BCAS3: variants seen among roughly 807,000 people sequenced by gnomAD.
The protein encoded by BCAS3 is BCAS3 microtubule associated cell migration factor.
Under a neutral mutation model 116.1 loss-of-function variants are expected in BCAS3, and 53 were observed. That is an observed-to-expected ratio of 0.46 (90% CI 0.37 to 0.57). The LOEUF is 0.57. Ranked by LOEUF, BCAS3 falls within the 20% of genes least tolerant of loss-of-function variation. The probability of loss-of-function intolerance (pLI) is 0.00; values close to 1 mark genes in which losing one functional copy is unlikely to be tolerated. For synonymous variants in BCAS3, 391 were observed against 408.2 expected (o/e 0.96, Z 0.51); for missense variants, 917 against 1,165.4 (o/e 0.79, Z 3.10).
chr17:61,378,730 A>G lies in BCAS3; in HGVS notation c.2593+10236A>G, dbSNP rs1408610704. The G allele has an allele frequency of 1.3e-5, 2 of 152,262 alleles. No homozygotes were observed. Among genetic ancestry groups the G allele is most frequent in the African/African-American group, 4.8e-5 (2 of 41,470 alleles). 9.4% of individuals were successfully genotyped at this position (152,262 alleles called of 1,614,324 possible). A position where few individuals can be genotyped will look rare whatever the true frequency, so the allele number is the denominator to read the frequency against. On this transcript the variant is annotated intron_variant, in intron 23 of 23. Coordinates refer to ENST00000407086, the MANE Select transcript of BCAS3 (RefSeq NM_017679.5). The surrounding 1 kb of genome is among the most constrained non-coding windows in gnomAD (Gnocchi z 5.8). ...GGCCCCTGAGAGGTAAATGAAAGCC[A>G]GTCAAAGCAATGGGAATAGTTATTG...
At position 61,239,616 on chromosome 17, in the gene BCAS3, T is replaced by C. The variant is rs1942803889; in HGVS notation, c.2426-128711T>C. ...ATCATGTTTCAATGTGTTAATGTTT[T>C]AGGAGTAGCAGAGGATAACATGCAA... On this transcript the variant is annotated intron_variant, in intron 22 of 23. Transcript: ENST00000407086. The surrounding 1 kb of genome is among the most constrained non-coding windows in gnomAD (Gnocchi z 4.2). 6.6e-6 allele frequency among the ~76,000 whole-genome samples: 1 copy of C among 152,222 alleles called. No homozygotes were observed. Among genetic ancestry groups the C allele is most frequent in the African/African-American group, 2.4e-5 (1 of 41,464 alleles).
intron 22 of BCAS3, among the ~76,000 whole-genome samples, chr17:61,113,996 T>A (rs980595949): frequency 2.9e-4 from 43 of 150,772 alleles, no homozygotes; most frequent in African/African-American, 1.0e-3. Flanking sequence ...ACCACATGAT[T>A]ATCTCAATAG....
chr17:60,779,800 A>G (rs1287594255), intron 6 of BCAS3, among the ~76,000 whole-genome samples: 1 of 152,192 alleles, frequency 6.6e-6, no homozygotes, highest in Non-Finnish European at 1.5e-5. Context: ...TACTCAACCT[A>G]TACCATTCTC....
At chr17:61,127,232 G>A (rs2076091947) in intron 22 of BCAS3, among the ~76,000 whole-genome samples, 1 of 152,052 alleles carries the variant, frequency 6.6e-6, no homozygotes, top group Admixed American at 6.6e-5. Context: ...GCTGAATATT[G>A]TCCGTCGCAG....
intron 22 of BCAS3, among the ~76,000 whole-genome samples, chr17:61,125,570 T>C (rs2076007738): frequency 6.6e-6 from 1 of 152,186 alleles, no homozygotes; most frequent in African/African-American, 2.4e-5. Flanking sequence ...TATGGATATT[T>C]GATTGTGTAA....
chr17:60,690,815 G>A (rs1182239915), intron 4 of BCAS3, among the ~76,000 whole-genome samples: 2 of 151,500 alleles, frequency 1.3e-5, no homozygotes, highest in Non-Finnish European at 2.9e-5. Context: ...AGCTGCTCAG[G>A]AAGCTGAGGC....
intron 7 of BCAS3, 81 bp downstream of exon 7, chr17:60,808,157 C>T (rs1470918881): frequency 2.1e-6 from 2 of 956,566 alleles, no homozygotes; most frequent in African/African-American, 3.3e-5. Flanking sequence ...TGTTATAAAA[C>T]CTTTGTAACC....
intron 22 of BCAS3, among the ~76,000 whole-genome samples, chr17:61,273,251 G>A (rs996061569): frequency 3.3e-5 from 5 of 151,910 alleles, no homozygotes; most frequent in Admixed American, 3.3e-4. Context: ...TGGGACTACA[G>A]GCGCGCACCA....
At position 61,356,642 on chromosome 17, in the gene BCAS3, A is replaced by G. The variant is rs570211446; in HGVS notation, c.2426-11685A>G. ...CCTAGGAAGCCGGGCCTGTTTATCC[A>G]GAGGTTAGTTGTAGGCAGGGGAGAC... On this transcript the variant is annotated intron_variant, in intron 22 of 23. Transcript: ENST00000407086. The surrounding 1 kb of genome is among the most constrained non-coding windows in gnomAD (Gnocchi z 5.4). Among the ~76,000 whole-genome samples the G allele has an allele frequency of 6.6e-6, 1 of 152,312 alleles. No individual in the cohort carries two copies. Among genetic ancestry groups the G allele is most frequent in the South Asian group, 2.1e-4 (1 of 4,828 alleles).
In BCAS3 at chr17:61,327,468, C is replaced by T. The variant is rs181483815; in HGVS notation, c.2426-40859C>T. 1.2e-3 allele frequency among the ~76,000 whole-genome samples: 182 copies of T among 151,682 alleles called. No individual in the cohort carries two copies. The highest frequency in any genetic ancestry group is 1.9e-3 in the Non-Finnish European group (131 of 67,930). On this transcript the variant is annotated intron_variant, in intron 22 of 23. Transcript: ENST00000407086. The surrounding 1 kb of genome is among the most constrained non-coding windows in gnomAD (Gnocchi z 5.9). The stretch of plus-strand genomic sequence containing the variant: ...ACTATATTGAGGGTTAGATAACAGG[C>T]AAGTATGTGGAGATGAGGGAGCAAA...
chr17:61,022,392 C>T (rs1368233872), intron 16 of BCAS3, among the ~76,000 whole-genome samples: 4 of 152,130 alleles, frequency 2.6e-5, no homozygotes, highest in African/African-American at 4.8e-5. Flanking sequence ...TGGAGGCGCC[C>T]GCCACCACGC....
In BCAS3 at chr17:61,124,447, G is replaced by C. The variant is rs1171490631; in HGVS notation, c.2425+39883G>C. Among the ~76,000 whole-genome samples, 5 of 152,030 alleles carry C rather than the reference G, an allele frequency of 3.3e-5. No homozygotes were observed. The highest frequency in any genetic ancestry group is 1.2e-4 in the African/African-American group (5 of 41,386). On this transcript the variant is annotated intron_variant, in intron 22 of 23. Coordinates refer to ENST00000407086, the MANE Select transcript of BCAS3 (RefSeq NM_017679.5). This position sits in a 1 kb window ranked among gnomAD's most constrained non-coding sequence, Gnocchi z 4.6. Reference sequence around the variant, plus strand: ...GTTAACTACATTCTATTGTAGAACTGTTCTTATTTTTAAGATCGTAGAGAT... The same window carrying C: ...GTTAACTACATTCTATTGTAGAACTCTTCTTATTTTTAAGATCGTAGAGAT...
intron 7 of BCAS3, among the ~76,000 whole-genome samples, chr17:60,811,914 A>G (rs544656886): frequency 1.4e-4 from 22 of 152,264 alleles, no homozygotes; most frequent in East Asian, 1.4e-3. Context: ...TTAGCTGGGC[A>G]TGATGGCACA....
intron 9 of BCAS3, among the ~76,000 whole-genome samples, chr17:60,886,724 C>G (rs2056673014): frequency 6.6e-6 from 1 of 152,112 alleles, no homozygotes; most frequent in Non-Finnish European, 1.5e-5. Context: ...TCAGTGTGCT[C>G]CTGCTGGGGG....
chr17:61,348,938 G>C lies in BCAS3; in HGVS notation c.2426-19389G>C, dbSNP rs2057670457. Among the ~76,000 whole-genome samples, 1 of 151,906 alleles carries C rather than the reference G, an allele frequency of 6.6e-6. No individual in the cohort carries two copies. The highest frequency in any genetic ancestry group is 2.4e-5 in the African/African-American group (1 of 41,362). ...CGGCTAACTTTTTGTATTTTTGGTA[G>C]AGATGGGGTTTCACCGTGTTAGCCA... On this transcript the variant is annotated intron_variant, in intron 22 of 23. Coordinates refer to ENST00000407086, the MANE Select transcript of BCAS3 (RefSeq NM_017679.5). The surrounding 1 kb of genome is among the most constrained non-coding windows in gnomAD (Gnocchi z 4.5).
At position 61,140,229 on chromosome 17, in the gene BCAS3, T is replaced by C. The variant is rs1239534685; in HGVS notation, c.2425+55665T>C. Among the ~76,000 whole-genome samples, 1 of 151,750 alleles carries C rather than the reference T, an allele frequency of 6.6e-6. No individual in the cohort carries two copies. The highest frequency in any genetic ancestry group is 2.4e-5 in the African/African-American group (1 of 41,300). On this transcript the variant is annotated intron_variant, in intron 22 of 23. Coordinates refer to ENST00000407086, the MANE Select transcript of BCAS3 (RefSeq NM_017679.5). This position sits in a 1 kb window ranked among gnomAD's most constrained non-coding sequence, Gnocchi z 4.2. ...TCCAGCCTGGGTGACAGAGCAAGAC[T>C]CCATCTCAAAAAAAAGGAACAGAGT...
At chr17:60,829,872 A>C (rs527666299) in intron 7 of BCAS3, among the ~76,000 whole-genome samples, 4 of 152,232 alleles carry the variant, frequency 2.6e-5, no homozygotes, top group African/African-American at 9.6e-5. Flanking sequence ...GATTGCCTTA[A>C]ATAATTGGGA....
Position 60,709,239 on chromosome 17 carries a change from T to A in BCAS3, c.235T>A (p.Phe79Ile). The stretch of plus-strand genomic sequence containing the variant: ...TGCAGATACATCAAGAAATCTGGAA[T>A]TTCATGAAATACATAGTACTGGGAA... ...DLNDTSRNLE[F>I]HEIHSTGNEP... Residue 79 changes from phenylalanine to isoleucine, a missense_variant, in exon 5 of 24, where the codon TTT becomes ATT. This residue lies in a region of BCAS3 where 807 missense variants were observed against 1,026.0 expected (regional missense o/e 0.79). Coordinates refer to ENST00000407086, the MANE Select transcript of BCAS3 (RefSeq NM_017679.5). 3 of 1,565,280 alleles carry A rather than the reference T, an allele frequency of 1.9e-6. No individual in the cohort carries two copies. Among genetic ancestry groups the A allele is most frequent in the Non-Finnish European group, 2.6e-6 (3 of 1,140,914 alleles).
chr17:60,736,376 G>A (rs993243693), intron 5 of BCAS3, among the ~76,000 whole-genome samples: 16 of 151,784 alleles, frequency 1.1e-4, no homozygotes, highest in African/African-American at 3.4e-4. Context: ...ATTAGAGACG[G>A]TGTTTCTCCA....
Sources: allele counts gnomAD v4.1 joint callset (sites outside exome capture counted in the v4.1 genomes callset), GRCh38; gene constraint gnomAD v4.1.1; regional missense constraint gnomAD v4.1.1; non-coding constraint Gnocchi (gnomAD v3.1); transcripts MANE v1.5; gene names NCBI Gene and HGNC (gene_info 2026-07-23, HGNC 2026-07-21).